Variants in ATF7IP observed in about 807,000 individuals in gnomAD.
ATF7IP encodes the protein activating transcription factor 7-interacting protein 1.
In ATF7IP, 23 loss-of-function variants were observed where a neutral mutation model predicts 106.4. The observed-to-expected ratio is 0.22, with a 90% CI of 0.16 to 0.31. The LOEUF (loss-of-function observed/expected upper bound fraction) is 0.31, where lower values mean the gene tolerates loss of function less well. Ranked by LOEUF, ATF7IP falls within the 10% of genes least tolerant of loss-of-function variation. ATF7IP has a pLI of 1.00. For synonymous variants in ATF7IP, 542 were observed against 539.0 expected (o/e 1.01, Z -0.08); for missense variants, 1,334 against 1,524.3 (o/e 0.88, Z 2.08).
chr12:14,385,461 T>C, intron 1 of ATF7IP: 1 of 1,444,400 alleles, frequency 6.9e-7, no homozygotes, highest in Non-Finnish European at 9.3e-7. Flanking sequence ...TAAAAAGGAA[T>C]TTAACTGAGT....
chr12:14,498,142 T>C lies in ATF7IP; in HGVS notation c.*69T>C, dbSNP rs1488442615. 7.1e-7 allele frequency: 1 copy of C among 1,401,640 alleles called. No homozygotes were observed. The highest frequency in any genetic ancestry group is 1.4e-5 in the African/African-American group (1 of 69,550). 86.8% of individuals were successfully genotyped at this position (1,401,640 alleles called of 1,614,324 possible). A position where few individuals can be genotyped will look rare whatever the true frequency, so the allele number is the denominator to read the frequency against. ...TTGGTCTTGTTTTTAATCTTGTGCA[T>C]GATACCCCATGTAAAATCCACCTTG... On this transcript the variant is annotated 3_prime_UTR_variant, in exon 15 of 15. Coordinates refer to ENST00000261168, the MANE Select transcript of ATF7IP (RefSeq NM_018179.5).
At chr12:14,466,613 A>G in intron 10 of ATF7IP, 23 bp downstream of exon 10, 2 of 1,550,996 alleles carry the variant, frequency 1.3e-6, no homozygotes, top group South Asian at 1.2e-5. Context: ...CTTCTTCTTC[A>G]AAGTAAAATC....
intron 1 of ATF7IP, among the ~76,000 whole-genome samples, chr12:14,403,160 G>A (rs966227948): frequency 5.9e-5 from 9 of 151,916 alleles, no homozygotes; most frequent in African/African-American, 2.2e-4. Flanking sequence ...ATTTTTATCA[G>A]TGCTTAATTT....
chr12:14,456,258 C>A (rs1256155539), intron 6 of ATF7IP, among the ~76,000 whole-genome samples: 1 of 152,132 alleles, frequency 6.6e-6, no homozygotes, highest in African/African-American at 2.4e-5. Flanking sequence ...TAAACTCTTA[C>A]AGCATGTGAG....
chr12:14,485,650 A>G (rs192563024), intron 13 of ATF7IP, among the ~76,000 whole-genome samples: 31 of 152,304 alleles, frequency 2.0e-4, no homozygotes, highest in African/African-American at 4.8e-4. Flanking sequence ...GTAAAGGTAT[A>G]TTGCTGTCTT....
At chr12:14,494,284 AATATATATATATAT>A (rs747194414) in intron 13 of ATF7IP, among the ~76,000 whole-genome samples, 677 of 53,776 alleles carry the variant, frequency 0.013, 25 homozygotes, top group South Asian at 0.053. Context: ...GAGCTAATAG[AATATATATATATAT>A]ATATATATAT....
chr12:14,448,195 C>G (rs1040213240), intron 6 of ATF7IP, among the ~76,000 whole-genome samples: 1 of 152,036 alleles, frequency 6.6e-6, no homozygotes, highest in Admixed American at 6.6e-5. Flanking sequence ...TGTATTGATA[C>G]ATGTTCATAT....
At chr12:14,458,652 C>G (rs2136712617) in intron 8 of ATF7IP, among the ~76,000 whole-genome samples, 1 of 151,892 alleles carries the variant, frequency 6.6e-6, no homozygotes, top group Non-Finnish European at 1.5e-5. Context: ...GTGAAACTCT[C>G]TCTCTACAAA....
At chr12:14,444,260 A>G (rs943713592) in intron 5 of ATF7IP, among the ~76,000 whole-genome samples, 6 of 152,212 alleles carry the variant, frequency 3.9e-5, no homozygotes, top group Non-Finnish European at 8.8e-5. Context: ...TCAATGAAGT[A>G]AATTTATGAC....
In ATF7IP at chr12:14,502,381, G is replaced by A. The variant is rs1945183134; in HGVS notation, c.*4308G>A. On this transcript the variant is annotated 3_prime_UTR_variant, in exon 15 of 15. Transcript: ENST00000261168. ...ATCCCCTTGAGCCAGCCAATGGGGA[G>A]GAATAGGATAATGCAAACACATGTT... is the stretch of plus-strand genomic sequence containing the variant. 1 of 151,864 alleles carries A rather than the reference G, an allele frequency of 6.6e-6. No homozygotes were observed. Among genetic ancestry groups the A allele is most frequent in the Admixed American group, 6.6e-5 (1 of 15,240 alleles). 9.4% of individuals were successfully genotyped at this position (151,864 alleles called of 1,614,324 possible). A position where few individuals can be genotyped will look rare whatever the true frequency, so the allele number is the denominator to read the frequency against.
chr12:14,374,074 A>G (rs1297322710), intron 1 of ATF7IP, among the ~76,000 whole-genome samples: 2 of 150,656 alleles, frequency 1.3e-5, no homozygotes, highest in Admixed American at 6.6e-5. Flanking sequence ...TAAAATATAC[A>G]TTTTCCATGA....
At chr12:14,403,255 T>C (rs1333802538) in intron 1 of ATF7IP, among the ~76,000 whole-genome samples, 1 of 152,204 alleles carries the variant, frequency 6.6e-6, no homozygotes, top group East Asian at 1.9e-4. Context: ...GTTTACCCCT[T>C]TTATATTGTC....
At chr12:14,454,656 T>G (rs1326765775) in intron 6 of ATF7IP, among the ~76,000 whole-genome samples, 3 of 152,164 alleles carry the variant, frequency 2.0e-5, no homozygotes, top group Non-Finnish European at 4.4e-5. Flanking sequence ...CTCAACTAAT[T>G]TGTGGAAATC....
At chr12:14,385,467 T>A (rs1939183326) in intron 1 of ATF7IP, 1 of 1,420,344 alleles carries the variant, frequency 7.0e-7, no homozygotes, top group African/African-American at 1.4e-5. Context: ...GGAATTTAAC[T>A]GAGTTTACTT....
intron 1 of ATF7IP, among the ~76,000 whole-genome samples, chr12:14,369,899 C>T (rs536904568): frequency 7.9e-5 from 12 of 151,862 alleles, no homozygotes; most frequent in Admixed American, 7.2e-4. Flanking sequence ...TTCCACCGAT[C>T]CCTTGATATA....
intron 1 of ATF7IP, among the ~76,000 whole-genome samples, chr12:14,379,963 C>A (rs917713523): frequency 2.6e-4 from 40 of 151,940 alleles, no homozygotes; most frequent in African/African-American, 8.9e-4. Context: ...GGAAAGTTTT[C>A]TTAAATGATT....
At chr12:14,369,727 C>T (rs1050774489) in intron 1 of ATF7IP, among the ~76,000 whole-genome samples, 20 of 151,944 alleles carry the variant, frequency 1.3e-4, no homozygotes, top group Non-Finnish European at 5.9e-5. Context: ...GTGGACATAT[C>T]TGTGTTTTGA....
intron 6 of ATF7IP, among the ~76,000 whole-genome samples, chr12:14,451,252 T>A (rs1591891007): frequency 6.6e-6 from 1 of 152,130 alleles, no homozygotes; most frequent in East Asian, 1.9e-4. Context: ...CTTCTCTTTC[T>A]TTCATTTCTT....
At chr12:14,453,259 G>C (rs1480681242) in intron 6 of ATF7IP, among the ~76,000 whole-genome samples, 1 of 152,158 alleles carries the variant, frequency 6.6e-6, no homozygotes, top group Admixed American at 6.5e-5. Flanking sequence ...TCCAGTTTCA[G>C]ACATTTTCAG....
Sources: gnomAD v4.1 joint callset for allele counts (sites outside exome capture counted in the v4.1 genomes callset) on GRCh38, gnomAD v4.1.1 for gene constraint, MANE v1.5 for transcripts, NCBI Gene and HGNC (gene_info 2026-07-23, HGNC 2026-07-21) for gene names.